Variants in SNTG1 observed in about 807,000 individuals in gnomAD.
The protein encoded by SNTG1 is syntrophin gamma 1.
A neutral mutation model predicts 74.7 loss-of-function variants in SNTG1; 39 were observed. The ratio of observed to expected loss-of-function variants is 0.52; its 90% CI spans 0.40 to 0.68. The LOEUF is 0.68. Ranked by LOEUF, SNTG1 falls within the 30% of genes least tolerant of loss-of-function variation. The probability of loss-of-function intolerance (pLI) is 0.00; values close to 1 mark genes in which losing one functional copy is unlikely to be tolerated. For missense variants in SNTG1, 685 were observed against 609.5 expected (o/e 1.12, Z -1.30); for synonymous variants, 254 against 217.1 (o/e 1.17, Z -1.49).
chr8:50,115,032 T>C (rs2080757676), intron 1 of SNTG1, among the ~76,000 whole-genome samples: 1 of 152,092 alleles, frequency 6.6e-6, no homozygotes. Context: ...TTAAATATGT[T>C]AAAATTCAAG....
intron 2 of SNTG1, among the ~76,000 whole-genome samples, chr8:50,212,977 G>A (rs560842179): frequency 1.3e-5 from 2 of 152,126 alleles, no homozygotes; most frequent in Non-Finnish European, 2.9e-5. Context: ...TTTTAATGAT[G>A]CCTCTCCCAA....
chr8:50,691,221 T>A (rs958683463), intron 15 of SNTG1, among the ~76,000 whole-genome samples: 31 of 152,198 alleles, frequency 2.0e-4, no homozygotes, highest in Non-Finnish European at 3.2e-4. Context: ...GTCTGTGTCT[T>A]TCAATTGGAG....
chr8:50,170,483 A>G (rs770002542), intron 1 of SNTG1, among the ~76,000 whole-genome samples: 3 of 152,192 alleles, frequency 2.0e-5, no homozygotes, highest in Non-Finnish European at 4.4e-5. Context: ...TTAAAAAAAA[A>G]TCTGGAATCA....
intron 17 of SNTG1, among the ~76,000 whole-genome samples, chr8:50,735,401 G>T (rs6992551): frequency 0.31 from 46,857 of 151,520 alleles, 8,938 homozygotes; most frequent in African/African-American, 0.53. Context: ...TTGCAAACTA[G>T]AATAGCCAGT....
At chr8:50,623,621 AT>A (rs770102936) in intron 13 of SNTG1, among the ~76,000 whole-genome samples, 17 of 152,198 alleles carry the variant, frequency 1.1e-4, no homozygotes, top group Admixed American at 2.6e-4. Context: ...CTTCACATCA[AT>A]TTTAACATAA....
At chr8:49,992,614 TG>T (rs1813799023) in intron 1 of SNTG1, among the ~76,000 whole-genome samples, 2 of 152,046 alleles carry the variant, frequency 1.3e-5, no homozygotes, top group African/African-American at 4.8e-5. Flanking sequence ...CATTGACAAA[TG>T]GGTGGTGTTG....
chr8:50,361,120 T>G (rs2131070332), intron 2 of SNTG1, among the ~76,000 whole-genome samples: 1 of 152,338 alleles, frequency 6.6e-6, no homozygotes, highest in South Asian at 2.1e-4. Flanking sequence ...TTTTCTATTT[T>G]ATTTTTTGAA....
intron 1 of SNTG1, among the ~76,000 whole-genome samples, chr8:49,998,016 A>T (rs543670006): frequency 6.6e-6 from 1 of 152,310 alleles, no homozygotes; most frequent in South Asian, 2.1e-4. Context: ...GGTAGAGCCT[A>T]CTGTACACCT....
chr8:50,373,004 T>A (rs111950423), intron 2 of SNTG1, among the ~76,000 whole-genome samples: 7,650 of 152,280 alleles, frequency 0.05, 255 homozygotes, highest in Non-Finnish European at 0.071. Flanking sequence ...AGTATAACTA[T>A]ATTTAAACAT....
intron 1 of SNTG1, among the ~76,000 whole-genome samples, chr8:50,165,541 CTTAAT>C (rs1402976004): frequency 1.3e-5 from 2 of 152,160 alleles, no homozygotes; most frequent in Non-Finnish European, 2.9e-5. Context: ...CTTAATATTG[CTTAAT>C]TTAAGTGAAG....
At chr8:50,450,770 G>A (rs1018012410) in intron 8 of SNTG1, 41 bp downstream of exon 8, 1 of 1,596,920 alleles carries the variant, frequency 6.3e-7, no homozygotes, top group African/African-American at 1.3e-5. Context: ...TTCCCCATGT[G>A]CAAATAAGAA....
At chr8:49,950,442 T>C (rs1283781768) in intron 1 of SNTG1, among the ~76,000 whole-genome samples, 3 of 152,196 alleles carry the variant, frequency 2.0e-5, no homozygotes, top group African/African-American at 7.2e-5. Flanking sequence ...ATTTATGCTA[T>C]TTTTAAAATT....
chr8:50,322,554 A>G (rs138828932), intron 2 of SNTG1, among the ~76,000 whole-genome samples: 147 of 152,122 alleles, frequency 9.7e-4, no homozygotes, highest in Non-Finnish European at 1.5e-3. Flanking sequence ...ATCTTCTTGT[A>G]TTTGAATATT....
intron 12 of SNTG1, among the ~76,000 whole-genome samples, chr8:50,577,669 T>A (rs1343919220): frequency 6.6e-6 from 1 of 152,170 alleles, no homozygotes; most frequent in African/African-American, 2.4e-5. Context: ...GTGTTATATG[T>A]TGGCAAAGCA....
chr8:50,021,187 A>G (rs530626775), intron 1 of SNTG1, among the ~76,000 whole-genome samples: 2 of 152,300 alleles, frequency 1.3e-5, no homozygotes, highest in Admixed American at 6.5e-5. Flanking sequence ...GCAAATTTCC[A>G]TGATTCCAGA....
At chr8:50,145,633 A>T (rs1369971405) in intron 1 of SNTG1, among the ~76,000 whole-genome samples, 1 of 152,190 alleles carries the variant, frequency 6.6e-6, no homozygotes, top group Non-Finnish European at 1.5e-5. Flanking sequence ...ACTCATGCTG[A>T]CATACTCTGC....
intron 8 of SNTG1, among the ~76,000 whole-genome samples, chr8:50,473,548 C>G (rs1392023247): frequency 6.6e-6 from 1 of 152,132 alleles, no homozygotes; most frequent in Non-Finnish European, 1.5e-5. Flanking sequence ...ACCATATGAT[C>G]CAGAGTGTCT....
chr8:49,959,853 G>T (rs2129690822), intron 1 of SNTG1, among the ~76,000 whole-genome samples: 1 of 152,284 alleles, frequency 6.6e-6, no homozygotes, highest in African/African-American at 2.4e-5. Flanking sequence ...TGGCACACTT[G>T]CTTATCCATG....
At chr8:50,087,286 G>A (rs1241816392) in intron 1 of SNTG1, among the ~76,000 whole-genome samples, 2 of 152,044 alleles carry the variant, frequency 1.3e-5, no homozygotes, top group South Asian at 4.2e-4. Context: ...CCCCTGAAAG[G>A]GTCAAGTTTG....
Sources: allele counts gnomAD v4.1 joint callset (sites outside exome capture counted in the v4.1 genomes callset), GRCh38; gene constraint gnomAD v4.1.1; transcripts MANE v1.5; gene names NCBI Gene and HGNC (gene_info 2026-07-23, HGNC 2026-07-21).